TBC1D4: variants seen among roughly 807,000 people sequenced by gnomAD.
The protein encoded by TBC1D4 is TBC1 domain family member 4.
Under a neutral mutation model 142.5 loss-of-function variants are expected in TBC1D4, and 121 were observed. The observed-to-expected ratio is 0.85, with a 90% CI of 0.73 to 0.99. TBC1D4 has a LOEUF of 0.99. Among genes scored for constraint, TBC1D4 ranks in the 50% least tolerant of loss-of-function variants. The pLI is 0.00. For missense variants in TBC1D4, 1,475 were observed against 1,606.6 expected, an observed-to-expected ratio of 0.92 and a Z score of 1.40; for synonymous variants, 630 against 628.2, an observed-to-expected ratio of 1.00 and a Z score of -0.04.
chr13:75,409,874 A>T (rs1593855131), intron 1 of TBC1D4, among the ~76,000 whole-genome samples: 1 of 152,324 alleles, frequency 6.6e-6, no homozygotes, highest in Non-Finnish European at 1.5e-5. Context: ...GTTAATTTAT[A>T]CTTGCCCTGC....
chr13:75,366,084 T>C (rs991477231), intron 1 of TBC1D4, among the ~76,000 whole-genome samples: 5 of 152,198 alleles, frequency 3.3e-5, no homozygotes, highest in Non-Finnish European at 7.3e-5. Flanking sequence ...TAGCTACATA[T>C]TGTAGCTACA....
intron 1 of TBC1D4, among the ~76,000 whole-genome samples, chr13:75,459,020 C>T (rs1036386124): frequency 6.6e-6 from 1 of 152,128 alleles, no homozygotes; most frequent in African/African-American, 2.4e-5. Context: ...TCTCTCTTGT[C>T]GCAATCTGGC....
intron 1 of TBC1D4, among the ~76,000 whole-genome samples, chr13:75,441,410 A>G (rs1887034852): frequency 6.6e-6 from 1 of 152,188 alleles, no homozygotes; most frequent in African/African-American, 2.4e-5. Flanking sequence ...AAGAATAGGA[A>G]CCAAAAAAAA....
intron 1 of TBC1D4, among the ~76,000 whole-genome samples, chr13:75,447,681 G>A (rs1700877878): frequency 6.6e-6 from 1 of 152,072 alleles, no homozygotes; most frequent in African/African-American, 2.4e-5. Context: ...CGGCAGGTGA[G>A]GTAGCAAACC....
intron 3 of TBC1D4, among the ~76,000 whole-genome samples, chr13:75,357,627 G>T (rs1882156008): frequency 6.6e-6 from 1 of 152,182 alleles, no homozygotes; most frequent in Non-Finnish European, 1.5e-5. Context: ...ATGTTTCCAG[G>T]AAAGAAAACC....
intron 5 of TBC1D4, among the ~76,000 whole-genome samples, chr13:75,348,952 AGAGTGT>A (rs1415568447): frequency 5.3e-4 from 64 of 120,054 alleles, no homozygotes; most frequent in East Asian, 3.5e-3. Context: ...AGAGAGAGAG[AGAGTGT>A]GTGTGTGTGT....
intron 17 of TBC1D4, among the ~76,000 whole-genome samples, 175 bp from the exon 18 acceptor site, chr13:75,295,188 T>C (rs1875781461): frequency 6.6e-6 from 1 of 152,220 alleles, no homozygotes; most frequent in Non-Finnish European, 1.5e-5. Flanking sequence ...TTAACTGAAT[T>C]CATAAAGCAA....
At chr13:75,371,565 A>G (rs1219805710) in intron 1 of TBC1D4, among the ~76,000 whole-genome samples, 2 of 152,212 alleles carry the variant, frequency 1.3e-5, no homozygotes, top group Non-Finnish European at 2.9e-5. Flanking sequence ...ATCTAACAGA[A>G]TATTAAGCAT....
intron 1 of TBC1D4, among the ~76,000 whole-genome samples, chr13:75,377,949 G>A (rs1883615725): frequency 2.0e-5 from 3 of 151,708 alleles, no homozygotes. Flanking sequence ...ATTATTTATT[G>A]CCTTAAGTTT....
chr13:75,335,600 T>A (rs1191277409), intron 8 of TBC1D4, among the ~76,000 whole-genome samples: 1 of 152,114 alleles, frequency 6.6e-6, no homozygotes, highest in African/African-American at 2.4e-5. Flanking sequence ...ATCACAGGGA[T>A]GGATTTCTTA....
At chr13:75,465,796 G>A (rs1888142051) in intron 1 of TBC1D4, among the ~76,000 whole-genome samples, 1 of 152,128 alleles carries the variant, frequency 6.6e-6, no homozygotes, top group Non-Finnish European at 1.5e-5. Context: ...CTACTACCTA[G>A]AGATTTTACC....
chr13:75,474,486 A>G (rs753786250), intron 1 of TBC1D4, among the ~76,000 whole-genome samples: 79 of 151,844 alleles, frequency 5.2e-4, no homozygotes, highest in Non-Finnish European at 8.2e-4. Context: ...GTGAACCCGG[A>G]AGGCGGAGCT....
chr13:75,447,714 C>T (rs575539267), intron 1 of TBC1D4, among the ~76,000 whole-genome samples: 1 of 152,236 alleles, frequency 6.6e-6, no homozygotes, highest in African/African-American at 2.4e-5. Flanking sequence ...TACAGCCACT[C>T]CCTATCTCTC....
intron 10 of TBC1D4, among the ~76,000 whole-genome samples, chr13:75,325,634 C>T (rs1879166818): frequency 6.6e-6 from 1 of 152,130 alleles, no homozygotes; most frequent in African/African-American, 2.4e-5. Flanking sequence ...AAGATCTTTT[C>T]TAAGTGGACA....
At chr13:75,429,441 G>A (rs1023673665) in intron 1 of TBC1D4, among the ~76,000 whole-genome samples, 2 of 152,186 alleles carry the variant, frequency 1.3e-5, no homozygotes, top group Non-Finnish European at 2.9e-5. Flanking sequence ...GTGATTTGAG[G>A]TTGACCCAGA....
At chr13:75,306,536 ATTGTAT>A in intron 14 of TBC1D4, 65 bp from the exon 15 acceptor site, 1 of 1,582,164 alleles carries the variant, frequency 6.3e-7, no homozygotes, top group South Asian at 1.1e-5. Context: ...TAGACGTTTG[ATTGTAT>A]TTGTAAAACC....
intron 16 of TBC1D4, among the ~76,000 whole-genome samples, chr13:75,301,689 C>A (rs549959301): frequency 6.6e-6 from 1 of 151,998 alleles, no homozygotes; most frequent in Admixed American, 6.5e-5. Flanking sequence ...ACTGGAAATT[C>A]TCCGCCAGGT....
intron 1 of TBC1D4, among the ~76,000 whole-genome samples, chr13:75,400,518 C>T (rs547350674): frequency 1.5e-3 from 227 of 151,088 alleles, no homozygotes; most frequent in African/African-American, 5.3e-3. Flanking sequence ...AGGGCAGTGG[C>T]GTGACCTCAG....
intron 1 of TBC1D4, among the ~76,000 whole-genome samples, chr13:75,413,388 T>C (rs1384241166): frequency 6.6e-6 from 1 of 152,144 alleles, no homozygotes; most frequent in African/African-American, 2.4e-5. Flanking sequence ...TCTCGATCTC[T>C]TGACCTTGTG....
Sources: gnomAD v4.1 joint callset for allele counts (sites outside exome capture counted in the v4.1 genomes callset) on GRCh38, gnomAD v4.1.1 for gene constraint, MANE v1.5 for transcripts, NCBI Gene and HGNC (gene_info 2026-07-23, HGNC 2026-07-21) for gene names.